Variants in ITGA6 observed in about 807,000 individuals in gnomAD.
ITGA6 encodes integrin alpha-6.
Under a neutral mutation model 133.6 loss-of-function variants are expected in ITGA6, and 63 were observed. The observed-to-expected ratio is 0.47, with a 90% confidence interval of 0.38 to 0.58. The LOEUF (loss-of-function observed/expected upper bound fraction) is 0.58. Among genes scored for constraint, ITGA6 ranks in the 20% least tolerant of loss-of-function variants. ITGA6 has a pLI of 0.00. For synonymous variants in ITGA6, 434 were observed against 482.0 expected (o/e 0.90, Z 1.30); for missense variants, 1,068 against 1,309.4 (o/e 0.82, Z 2.85).
At position 172,487,953 on chromosome 2, in the gene ITGA6, A is replaced by C; in HGVS notation, c.2325-8A>C. ...AATACAACCCTATTGTTTCCTTTTC[A>C]TTTTCAGAACAAGCAATCAAGATAA... On this transcript the variant is annotated splice_region_variant and splice_polypyrimidine_tract_variant and intron_variant, in intron 17 of 25. Coordinates refer to ENST00000684293, the MANE Select transcript of ITGA6 (RefSeq NM_000210.4). 6.2e-7 allele frequency: 1 copy of C among 1,612,466 alleles called. No homozygotes were observed. Among genetic ancestry groups the C allele is most frequent in the Non-Finnish European group, 8.5e-7 (1 of 1,178,556 alleles).
rs145238580 is a variant in ITGA6 at position 172,458,251 on chromosome 2, T to C, written c.183-7288T>C. Among the ~76,000 whole-genome samples the C allele has an allele frequency of 4.5e-3, 689 of 151,976 alleles. 7 individuals carry two copies. Among genetic ancestry groups the C allele is most frequent in the African/African-American group, 0.015 (632 of 41,418 alleles). On this transcript the variant is annotated intron_variant, in intron 1 of 25. Coordinates refer to ENST00000684293, the MANE Select transcript of ITGA6 (RefSeq NM_000210.4). The stretch of plus-strand genomic sequence containing the variant: ...ATGCACAAAAATAATGAATTCTTTT[T>C]TTTTTTTTTGAGACCATCTTTCTCT...
At chr2:172,499,553 G>A (rs903562864) in intron 24 of ITGA6, among the ~76,000 whole-genome samples, 2 of 151,958 alleles carry the variant, frequency 1.3e-5, no homozygotes, top group African/African-American at 4.8e-5. Flanking sequence ...ATAAAGGTGA[G>A]GCCTTGCTGT....
chr2:172,448,677 AAG>A (rs1053412148), intron 1 of ITGA6, among the ~76,000 whole-genome samples: 8 of 152,342 alleles, frequency 5.3e-5, no homozygotes, highest in African/African-American at 1.7e-4. Context: ...TTATAGTCAA[AAG>A]AGAGCCTCAG....
In ITGA6 at chr2:172,488,231, A is replaced by T; in HGVS notation, c.2505+3A>T. ...GTTTAATAGAGTATGAATTCAGGGT[A>T]AGTTGGAGCAGTTGGTCTTTTCATT... On this transcript the variant is annotated splice_donor_region_variant and intron_variant, in intron 19 of 25. Transcript: ENST00000684293. 1.3e-6 allele frequency: 2 copies of T among 1,598,306 alleles called. No individual in the cohort carries two copies. Among genetic ancestry groups the T allele is most frequent in the Non-Finnish European group, 1.7e-6 (2 of 1,165,644 alleles).
rs552414791 is a variant in ITGA6, at chr2:172,445,897, C to T, written c.182+17927C>T. On this transcript the variant is annotated intron_variant, in intron 1 of 25. Coordinates refer to ENST00000684293, the MANE Select transcript of ITGA6 (RefSeq NM_000210.4). ...GCCAAAGGCACATGCATGCCATCTTCTAAGGAAAATTATTGGAAGCAGCAG... is the reference window on the plus strand; with the variant it reads ...GCCAAAGGCACATGCATGCCATCTTTTAAGGAAAATTATTGGAAGCAGCAG... Among the ~76,000 whole-genome samples, 201 of 152,330 alleles carry T rather than the reference C, an allele frequency of 1.3e-3. 2 individuals carry two copies. Among genetic ancestry groups the T allele is most frequent in the Middle Eastern group, 3.4e-3 (1 of 294 alleles).
intron 23 of ITGA6, among the ~76,000 whole-genome samples, chr2:172,493,384 A>C (rs1687002771): frequency 6.6e-6 from 1 of 152,238 alleles, no homozygotes; most frequent in Non-Finnish European, 1.5e-5. Context: ...CAGCAGGTAT[A>C]GCTTTCTATA....
rs1685218730 is a variant in ITGA6 at position 172,456,602 on chromosome 2, A to G, written c.183-8937A>G. Reference sequence around the variant, plus strand: ...TAAGGCTAGAAGCGTTAACCATTCCATTGGATGGTCTGATGACCCAAAATG... The same window carrying G: ...TAAGGCTAGAAGCGTTAACCATTCCGTTGGATGGTCTGATGACCCAAAATG... On this transcript the variant is annotated intron_variant, in intron 1 of 25. Transcript: ENST00000684293. 2.6e-5 allele frequency among the ~76,000 whole-genome samples: 4 copies of G among 152,140 alleles called. No homozygotes were observed. In the South Asian group the frequency reaches 6.2e-4, roughly 24 times the overall value.
At chr2:172,434,147 G>A (rs1006725121) in intron 1 of ITGA6, among the ~76,000 whole-genome samples, 7 of 152,214 alleles carry the variant, frequency 4.6e-5, no homozygotes, top group Admixed American at 4.6e-4. Context: ...GAAGGAGCTT[G>A]TGGATTATTG....
At chr2:172,494,928 T>G (rs1379433405) in intron 23 of ITGA6, among the ~76,000 whole-genome samples, 1 of 152,190 alleles carries the variant, frequency 6.6e-6, no homozygotes, top group East Asian at 1.9e-4. Context: ...GGAATAAGAT[T>G]TTCCCTTTTG....
Position 172,483,376 on chromosome 2 carries a change from TC to T in ITGA6, c.1550-1402del, listed in dbSNP as rs1351292207. Among the ~76,000 whole-genome samples the T allele has an allele frequency of 2.6e-5, 4 of 152,118 alleles. No homozygotes were observed. The East Asian group carries it at 7.7e-4, about 29-fold the overall frequency. ...GTCCCTCTCAGTATGACCCCAAGCC[TC>T]CCCAGAAAAGGTCTCTTCCAACTCT... On this transcript the variant is annotated intron_variant, in intron 11 of 25. Coordinates refer to ENST00000684293, the MANE Select transcript of ITGA6 (RefSeq NM_000210.4).
chr2:172,457,029 C>T (rs1685235718), intron 1 of ITGA6, among the ~76,000 whole-genome samples: 1 of 152,106 alleles, frequency 6.6e-6, no homozygotes, highest in African/African-American at 2.4e-5. Context: ...TGTGGTGGCT[C>T]ACACCTATAA....
chr2:172,480,504 C>G (rs964962862), intron 11 of ITGA6, among the ~76,000 whole-genome samples: 6 of 152,138 alleles, frequency 3.9e-5, no homozygotes, highest in Non-Finnish European at 5.9e-5. Context: ...CCCCACGCCC[C>G]TCCCTCCCGG....
At chr2:172,461,713 AG>A (rs1428818721) in intron 1 of ITGA6, among the ~76,000 whole-genome samples, 2 of 152,226 alleles carry the variant, frequency 1.3e-5, no homozygotes, top group Admixed American at 6.5e-5. Context: ...TTGGCATTTA[AG>A]GGCCTTGGAG....
chr2:172,467,373 C>G lies in ITGA6; in HGVS notation c.308-108C>G. On this transcript the variant is annotated intron_variant, in intron 2 of 25. Transcript: ENST00000684293. ...TTGAGTAACTGAATTTATTGAGTAG[C>G]TAGACTCAGAGTCGAGGCCATTTGG... 3.9e-6 allele frequency: 3 copies of G among 770,124 alleles called. No individual in the cohort carries two copies. The South Asian group carries it at 4.3e-5, about 11-fold the overall frequency. The allele number at this position is 770,124 out of a possible 1,614,324, so 47.7% of individuals were successfully genotyped here. A position where few individuals can be genotyped will look rare whatever the true frequency, so the allele number is the denominator to read the frequency against.
chr2:172,467,490 C>G lies in ITGA6; in HGVS notation c.317C>G (p.Thr106Arg). 6.2e-7 allele frequency: 1 copy of G among 1,613,076 alleles called. No homozygotes were observed. Among genetic ancestry groups the G allele is most frequent in the Non-Finnish European group, 8.5e-7 (1 of 1,179,184 alleles). Residue 106 changes from threonine to arginine, a missense_variant, in exon 3 of 26, where the codon ACG (threonine) becomes AGG (arginine). Physicochemically the swap from Thr to Arg is moderately conservative, Grantham distance 71. Transcript: ENST00000684293. ...RIEFDNDADP[T>R]SESKEDQWMG... ...ATGCTCCTTTCTACAGCTGACCCCACGTCAGAAAGCAAGGAAGATCAGTGG... is the reference window on the plus strand; with the variant it reads ...ATGCTCCTTTCTACAGCTGACCCCAGGTCAGAAAGCAAGGAAGATCAGTGG...
At chr2:172,479,552 G>C in intron 9 of ITGA6, 89 bp from the exon 10 acceptor site, 1 of 1,033,940 alleles carries the variant, frequency 9.7e-7, no homozygotes, top group Admixed American at 1.7e-5. Flanking sequence ...AGCTGTGCTG[G>C]GCAGCTAAGG....
In ITGA6 at chr2:172,476,614, G is replaced by T. The variant is rs548549559; in HGVS notation, c.1388+101G>T. 26 of 769,218 alleles carry T rather than the reference G, an allele frequency of 3.4e-5. 1 individual carries two copies. Among genetic ancestry groups the T allele is most frequent in the South Asian group, 2.9e-4 (21 of 71,570 alleles). The allele number at this position is 769,218 out of a possible 1,614,324, so 47.6% of individuals were successfully genotyped here. ...AATTTGTCATACCTATACTTCAAAG[G>T]TTTATATGAATTGTGAAGCTATTTC... On this transcript the variant is annotated intron_variant, in intron 9 of 25. Coordinates refer to ENST00000684293, the MANE Select transcript of ITGA6 (RefSeq NM_000210.4).
At chr2:172,480,133 CT>C in intron 11 of ITGA6, 82 bp downstream of exon 11, 1 of 809,388 alleles carries the variant, frequency 1.2e-6, no homozygotes, top group Non-Finnish European at 2.2e-6. Flanking sequence ...AAAAATAAAA[CT>C]GCAGTGGCCA....
chr2:172,456,590 G>C (rs16860437), intron 1 of ITGA6, among the ~76,000 whole-genome samples: 1 of 152,112 alleles, frequency 6.6e-6, no homozygotes, highest in East Asian at 1.9e-4. Flanking sequence ...GGCTAGAAGC[G>C]TTAACCATTC....
Sources: gnomAD v4.1 joint callset for allele counts (sites outside exome capture counted in the v4.1 genomes callset) on GRCh38, gnomAD v4.1.1 for gene constraint, MANE v1.5 for transcripts, NCBI Gene and HGNC (gene_info 2026-07-23, HGNC 2026-07-21) for gene names.